Variants in TENM2 observed in about 807,000 individuals in gnomAD.
TENM2 encodes teneurin transmembrane protein 2.
TENM2 carries 52 observed loss-of-function variants against 245.2 expected under a neutral mutation model. The observed-to-expected ratio is 0.21, with a 90% confidence interval of 0.17 to 0.27. The LOEUF is 0.27. Among genes scored for constraint, TENM2 ranks in the 10% least tolerant of loss-of-function variants. The probability of loss-of-function intolerance (pLI) is 1.00; values close to 1 mark genes in which losing one functional copy is unlikely to be tolerated. For synonymous variants in TENM2, 1,363 were observed against 1,438.9 expected, an observed-to-expected ratio of 0.95 and a Z score of 1.19; for missense variants, 3,046 against 3,666.8, an observed-to-expected ratio of 0.83 and a Z score of 4.37.
intron 26 of TENM2, among the ~76,000 whole-genome samples, chr5:168,245,468 C>G (rs1344725342): frequency 6.6e-6 from 1 of 151,774 alleles, no homozygotes; most frequent in East Asian, 1.9e-4. Flanking sequence ...CCTATTTGCC[C>G]TGTTGGCTGA....
At chr5:167,895,184 C>G (rs1775121710) in intron 3 of TENM2, among the ~76,000 whole-genome samples, 2 of 152,158 alleles carry the variant, frequency 1.3e-5, no homozygotes, top group South Asian at 4.2e-4. Flanking sequence ...GACCAGAGAG[C>G]ATTTTTCCTC....
chr5:168,218,806 C>T lies in TENM2; in HGVS notation c.4915C>T (p.Arg1639Cys), dbSNP rs943341943. Residue 1639 changes from arginine (R) to cysteine (C), a missense_variant, in exon 23 of 29, where the codon CGT becomes TGT. Physicochemically the swap from Arg to Cys is radical, Grantham distance 180 (BLOSUM62 -3). Around this residue, in one of 2 missense-constraint regions of TENM2, gnomAD observed 2,704 missense variants for 3,331.9 expected, o/e 0.81. Transcript: ENST00000518659. The surrounding 1 kb of genome is among the most constrained non-coding windows in gnomAD (Gnocchi z 5.2). Reference sequence around the variant, plus strand: ...CAATAATGGGAATTCCCTGAAGATCCGTCGGGACAGCAGTGGCATGCCCCG... The same window carrying T: ...CAATAATGGGAATTCCCTGAAGATCTGTCGGGACAGCAGTGGCATGCCCCG... 35 of 1,613,902 alleles carry T rather than the reference C, an allele frequency of 2.2e-5. No homozygotes were observed. The highest frequency in any genetic ancestry group is 2.7e-5 in the Non-Finnish European group (32 of 1,179,872).
chr5:167,725,130 T>C (rs1344840167), intron 2 of TENM2, among the ~76,000 whole-genome samples: 1 of 152,244 alleles, frequency 6.6e-6, no homozygotes, highest in Non-Finnish European at 1.5e-5. Context: ...TGATTTTAAT[T>C]AAATACATGG....
chr5:167,704,322 T>C (rs10516037), intron 2 of TENM2, among the ~76,000 whole-genome samples: 9,453 of 152,174 alleles, frequency 0.062, 645 homozygotes, highest in East Asian at 0.31. Context: ...AATCTTAGCC[T>C]ATACTTTAAT....
intron 10 of TENM2, among the ~76,000 whole-genome samples, chr5:168,123,454 A>G (rs1215470289): frequency 1.3e-5 from 2 of 152,270 alleles, no homozygotes; most frequent in East Asian, 1.9e-4. Context: ...TTTAGAGACC[A>G]GAAGTCTTAC....
At chr5:168,189,619 C>T (rs1760772032) in intron 13 of TENM2, among the ~76,000 whole-genome samples, 1 of 152,206 alleles carries the variant, frequency 6.6e-6, no homozygotes, top group African/African-American at 2.4e-5. Flanking sequence ...GCCATTTCTC[C>T]ACATTTCCTA....
intron 4 of TENM2, among the ~76,000 whole-genome samples, chr5:167,992,131 G>A (rs562202558): frequency 6.6e-6 from 1 of 152,244 alleles, no homozygotes; most frequent in South Asian, 2.1e-4. Context: ...GAACGGTGGA[G>A]GGGGCGAGGA....
At chr5:167,903,158 C>A (rs1171355033) in intron 3 of TENM2, among the ~76,000 whole-genome samples, 3 of 152,042 alleles carry the variant, frequency 2.0e-5, no homozygotes, top group Non-Finnish European at 4.4e-5. Flanking sequence ...ATAAAAGATG[C>A]CTTCATGCAA....
intron 12 of TENM2, among the ~76,000 whole-genome samples, chr5:168,131,610 G>T (rs577206794): frequency 6.6e-6 from 1 of 152,212 alleles, no homozygotes; most frequent in African/African-American, 2.4e-5. Context: ...AGTCCAAGAG[G>T]GAGAGTGCTT....
intron 2 of TENM2, among the ~76,000 whole-genome samples, chr5:167,698,679 G>GTTTTTTTTTTTTTTTTTTTTTTTTT (rs1225922111): frequency 1.0e-5 from 1 of 97,742 alleles, no homozygotes; most frequent in Non-Finnish European, 2.0e-5. Context: ...TTTGTTTTTT[G>GTTTTTTTTTTTTTTTTTTTTTTTTT]TTTTTTTTTT....
the TENM2 span, among the ~76,000 whole-genome samples, chr5:167,271,448 A>C: frequency 3.3e-5 from 5 of 152,050 alleles, no homozygotes; most frequent in Non-Finnish European, 7.4e-5. Context: ...TTTGGACTGG[A>C]GAGGGGGAAA....
chr5:167,765,500 T>A (rs1052056966), intron 2 of TENM2, among the ~76,000 whole-genome samples: 2 of 152,186 alleles, frequency 1.3e-5, no homozygotes, highest in African/African-American at 4.8e-5. Flanking sequence ...AAGTGTTACA[T>A]CAGTCTCTTG....
intron 3 of TENM2, 35 bp downstream of exon 5, chr5:167,876,230 TTTCGTGAGTGACA>T (rs1371419131): frequency 6.7e-7 from 1 of 1,488,900 alleles, no homozygotes; most frequent in Admixed American, 2.0e-5. Context: ...ATGTGTGGTG[TTTCGTGAGTGACA>T]TTCTTGATTC....
chr5:167,287,087 G>A (rs975837193), intron 1 of TENM2, among the ~76,000 whole-genome samples: 1 of 152,214 alleles, frequency 6.6e-6, no homozygotes, highest in Non-Finnish European at 1.5e-5. Flanking sequence ...ATATGCAAGT[G>A]CAATTCCTTC....
At chr5:167,679,951 A>G (rs1023992858) in intron 2 of TENM2, among the ~76,000 whole-genome samples, 1 of 152,144 alleles carries the variant, frequency 6.6e-6, no homozygotes, top group African/African-American at 2.4e-5. Flanking sequence ...TTTATTTTTA[A>G]GTGAACACAC....
the TENM2 span, among the ~76,000 whole-genome samples, chr5:167,174,866 A>G: frequency 1.3e-5 from 2 of 150,946 alleles, no homozygotes; most frequent in African/African-American, 4.9e-5. Context: ...CTGTTTCTAT[A>G]TATTCAACTT....
intron 2 of TENM2, among the ~76,000 whole-genome samples, chr5:167,859,320 C>G (rs1400965290): frequency 2.4e-4 from 35 of 145,382 alleles, no homozygotes; most frequent in African/African-American, 8.5e-4. Context: ...CCGGCAGCCA[C>G]CCCATCTGGG....
chr5:167,250,353 T>C, the TENM2 span, among the ~76,000 whole-genome samples: 1 of 152,004 alleles, frequency 6.6e-6, no homozygotes, highest in African/African-American at 2.4e-5. Context: ...AAAGCTTTAG[T>C]AGGTTAAAAG....
intron 6 of TENM2, among the ~76,000 whole-genome samples, chr5:168,060,228 A>AG (rs1789918464): frequency 7.6e-6 from 1 of 132,258 alleles, no homozygotes. Context: ...TGTCTCTACG[A>AG]AAAAAAAAAA....
Sources: gnomAD v4.1 joint callset for allele counts (sites outside exome capture counted in the v4.1 genomes callset) on GRCh38, gnomAD v4.1.1 for gene constraint, gnomAD v4.1.1 regional missense constraint, Gnocchi (gnomAD v3.1) non-coding constraint, MANE v1.5 for transcripts, NCBI Gene and HGNC (gene_info 2026-07-23, HGNC 2026-07-21) for gene names.